ABCA13: variants seen among roughly 807,000 people sequenced by gnomAD.
The protein encoded by ABCA13 is ATP-binding cassette sub-family A member 13.
In ABCA13, 476 loss-of-function variants were observed where a neutral mutation model predicts 478.7. The observed-to-expected ratio is 0.99, with a 90% confidence interval of 0.92 to 1.07. The LOEUF (loss-of-function observed/expected upper bound fraction) is 1.07. Ranked by LOEUF, ABCA13 falls within the 50% of genes least tolerant of loss-of-function variation. ABCA13 has a pLI of 0.00. For synonymous variants in ABCA13, 2,252 were observed against 2,158.9 expected (o/e 1.04, Z -1.20); for missense variants, 6,060 against 5,910.6 (o/e 1.03, Z -0.83).
At chr7:48,531,083 T>G (rs1359993481) in intron 55 of ABCA13, among the ~76,000 whole-genome samples, 5 of 152,106 alleles carry the variant, frequency 3.3e-5, no homozygotes, top group Non-Finnish European at 7.4e-5. Flanking sequence ...TTTAGAGGGG[T>G]TTTTCCGATG....
chr7:48,579,638 G>A (rs935234598), intron 55 of ABCA13, among the ~76,000 whole-genome samples: 2 of 152,156 alleles, frequency 1.3e-5, no homozygotes, highest in Non-Finnish European at 2.9e-5. Context: ...GTTTGATTAT[G>A]TATGTAGACA....
intron 42 of ABCA13, among the ~76,000 whole-genome samples, chr7:48,434,555 T>C (rs2129149413): frequency 6.6e-6 from 1 of 152,114 alleles, no homozygotes; most frequent in Middle Eastern, 3.4e-3. Flanking sequence ...TTGCCTGTGC[T>C]TATGGTGGCA....
intron 55 of ABCA13, 39 bp downstream of exon 55, chr7:48,528,384 A>T: frequency 7.2e-7 from 1 of 1,390,244 alleles, no homozygotes; most frequent in South Asian, 1.5e-5. Flanking sequence ...GCTTAAAGAG[A>T]TAATAAGCCC....
chr7:48,377,633 A>G (rs897786263), intron 35 of ABCA13, among the ~76,000 whole-genome samples: 3 of 152,184 alleles, frequency 2.0e-5, no homozygotes, highest in African/African-American at 7.2e-5. Context: ...TATGGCCCTC[A>G]AGAGGTAGAG....
chr7:48,626,534 A>C (rs1793687115), intron 59 of ABCA13: 3 of 857,022 alleles, frequency 3.5e-6, no homozygotes. Context: ...TAATGGAGGA[A>C]CAAAGGGAAG....
At chr7:48,526,697 A>G (rs917671460) in intron 54 of ABCA13, among the ~76,000 whole-genome samples, 2 of 152,212 alleles carry the variant, frequency 1.3e-5, no homozygotes, top group Non-Finnish European at 2.9e-5. Flanking sequence ...CACAATTGCA[A>G]GTATTTGTGT....
intron 31 of ABCA13, among the ~76,000 whole-genome samples, chr7:48,355,142 T>A (rs1334526497): frequency 6.7e-6 from 1 of 148,896 alleles, no homozygotes; most frequent in East Asian, 1.9e-4. Context: ...ACAATTGCAT[T>A]GAATGATAGG....
intron 46 of ABCA13, among the ~76,000 whole-genome samples, chr7:48,482,045 A>AT (rs920158037): frequency 5.9e-5 from 9 of 152,118 alleles, no homozygotes; most frequent in African/African-American, 2.2e-4. Flanking sequence ...TTAACATTAT[A>AT]TTTTTTTAAA....
intron 27 of ABCA13, among the ~76,000 whole-genome samples, chr7:48,322,506 C>T (rs1563048825): frequency 6.6e-6 from 1 of 152,170 alleles, no homozygotes; most frequent in Non-Finnish European, 1.5e-5. Flanking sequence ...AGAGAGGCCA[C>T]CAGCGGTGAT....
intron 58 of ABCA13, among the ~76,000 whole-genome samples, chr7:48,612,849 G>C (rs1207254204): frequency 6.7e-6 from 1 of 149,148 alleles, no homozygotes; most frequent in Non-Finnish European, 1.5e-5. Flanking sequence ...CTGAGAAAAT[G>C]GCCTTAACTT....
At chr7:48,468,877 T>C (rs2130232025) in intron 44 of ABCA13, among the ~76,000 whole-genome samples, 1 of 152,352 alleles carries the variant, frequency 6.6e-6, no homozygotes, top group South Asian at 2.1e-4. Context: ...AAAAATCCAC[T>C]GTTGTCTAAA....
intron 45 of ABCA13, among the ~76,000 whole-genome samples, chr7:48,478,976 C>G (rs1449167843): frequency 4.3e-5 from 6 of 138,940 alleles, no homozygotes; most frequent in Non-Finnish European, 9.1e-5. Flanking sequence ...GAGATGTAGT[C>G]TCGCTCTGTC....
At chr7:48,572,317 T>A (rs1411299332) in intron 55 of ABCA13, among the ~76,000 whole-genome samples, 1 of 152,108 alleles carries the variant, frequency 6.6e-6, no homozygotes, top group Non-Finnish European at 1.5e-5. Context: ...ATTTATTTAT[T>A]TTTATAAAGA....
intron 6 of ABCA13, among the ~76,000 whole-genome samples, chr7:48,229,559 C>T (rs1472777353): frequency 6.6e-6 from 1 of 152,228 alleles, no homozygotes; most frequent in African/African-American, 2.4e-5. Flanking sequence ...CCAATGCAAA[C>T]TTGAGTTCTG....
intron 59 of ABCA13, among the ~76,000 whole-genome samples, chr7:48,631,229 G>C (rs553500137): frequency 1.1e-4 from 16 of 152,050 alleles, no homozygotes; most frequent in African/African-American, 3.1e-4. Flanking sequence ...TAAATTCTTT[G>C]TCAAGGCTGA....
rs781290356 is a variant in ABCA13 at position 48,249,209 on chromosome 7, C to A, written c.1866-3C>A. The A allele has an allele frequency of 1.0e-5, 16 of 1,598,436 alleles. No individual in the cohort carries two copies. The highest frequency in any genetic ancestry group is 1.3e-5 in the African/African-American group (1 of 74,312). ...ATTTTCTCTGGATTCTTTTTGATTG[C>A]AGGATATTTCATACACTTGAAAAAA... On this transcript the variant is annotated splice_region_variant and splice_polypyrimidine_tract_variant and intron_variant, in intron 14 of 61. Transcript: ENST00000435803.
chr7:48,302,969 C>T (rs962124508), intron 23 of ABCA13, among the ~76,000 whole-genome samples: 2 of 152,256 alleles, frequency 1.3e-5, no homozygotes, highest in Middle Eastern at 6.8e-3. Context: ...TATAAATGTT[C>T]CCTTTTCTCT....
chr7:48,623,337 CT>C (rs1280451711), intron 59 of ABCA13, among the ~76,000 whole-genome samples: 1 of 152,020 alleles, frequency 6.6e-6, no homozygotes, highest in Non-Finnish European at 1.5e-5. Flanking sequence ...CCTTTTCTTT[CT>C]TTGTATCTAT....
At chr7:48,625,996 G>A (rs1222305086) in intron 59 of ABCA13, among the ~76,000 whole-genome samples, 4 of 152,146 alleles carry the variant, frequency 2.6e-5, no homozygotes, top group Admixed American at 2.0e-4. Context: ...ATAGTGTACA[G>A]GCAGAAACAT....
Sources: allele counts gnomAD v4.1 joint callset (sites outside exome capture counted in the v4.1 genomes callset), GRCh38; gene constraint gnomAD v4.1.1; transcripts MANE v1.5; gene names NCBI Gene and HGNC (gene_info 2026-07-23, HGNC 2026-07-21).